SLCO3A1: variants seen among roughly 807,000 people sequenced by gnomAD.
SLCO3A1 encodes PGE1 transporter.
SLCO3A1 carries 27 observed loss-of-function variants against 63.1 expected under a neutral mutation model. The observed-to-expected ratio is 0.43, with a 90% CI of 0.32 to 0.59. The LOEUF is 0.59. Among genes scored for constraint, SLCO3A1 ranks in the 20% least tolerant of loss-of-function variants. The pLI is 0.09. For synonymous variants in SLCO3A1, 473 were observed against 409.9 expected, an observed-to-expected ratio of 1.15 and a Z score of -1.86; for missense variants, 773 against 945.8, an observed-to-expected ratio of 0.82 and a Z score of 2.40.
rs74465965 is a variant in SLCO3A1, at chr15:91,935,997, C to G, written c.646+19539C>G. 9.8e-3 allele frequency among the ~76,000 whole-genome samples: 1,490 copies of G among 152,302 alleles called. 14 individuals are homozygous for G. Among genetic ancestry groups the G allele is most frequent in the Non-Finnish European group, 0.015 (1,016 of 68,022 alleles). On this transcript the variant is annotated intron_variant, in intron 2 of 9. Coordinates refer to ENST00000318445, the MANE Select transcript of SLCO3A1 (RefSeq NM_013272.4). ...GCCCTTCCTAACATAGGCAGATCAT[C>G]GAGCAAGGAGTCACAAGTGGGTTAG...
At chr15:91,876,070 C>G (rs549719391) in intron 1 of SLCO3A1, among the ~76,000 whole-genome samples, 25 of 152,318 alleles carry the variant, frequency 1.6e-4, no homozygotes, top group Non-Finnish European at 3.2e-4. Context: ...CTTGGGAGGA[C>G]AAGGTGGACA....
intron 2 of SLCO3A1, among the ~76,000 whole-genome samples, chr15:91,936,947 A>G (rs1403674146): frequency 1.3e-5 from 2 of 152,176 alleles, no homozygotes; most frequent in Non-Finnish European, 2.9e-5. Context: ...AAGGCTTTCC[A>G]TTTAAGTTGC....
chr15:92,054,051 G>A (rs1298411727), intron 2 of SLCO3A1, among the ~76,000 whole-genome samples: 2 of 152,160 alleles, frequency 1.3e-5, no homozygotes, highest in Non-Finnish European at 2.9e-5. Context: ...TATTGATTCT[G>A]TCAGTATAGA....
chr15:92,000,188 G>A (rs887685302), intron 2 of SLCO3A1, among the ~76,000 whole-genome samples: 2 of 151,870 alleles, frequency 1.3e-5, no homozygotes, highest in Non-Finnish European at 1.5e-5. Flanking sequence ...TTTTATAATT[G>A]TGGGCATGTG....
At chr15:92,136,929 G>T (rs2048064893) in intron 7 of SLCO3A1, among the ~76,000 whole-genome samples, 1 of 149,408 alleles carries the variant, frequency 6.7e-6, no homozygotes, top group African/African-American at 2.5e-5. Flanking sequence ...ACCTTTTTAT[G>T]GCTATATAGT....
rs1212442109 is a variant in SLCO3A1 at position 91,967,591 on chromosome 15, C to T, written c.646+51133C>T. Among the ~76,000 whole-genome samples the T allele has an allele frequency of 6.6e-6, 1 of 152,204 alleles. No homozygotes were observed. The highest frequency in any genetic ancestry group is 1.5e-5 in the Non-Finnish European group (1 of 68,032). ...AATAAAAATCAATATGGATAAGACA[C>T]CTATTACACAGATAATCCCATATGA... On this transcript the variant is annotated intron_variant, in intron 2 of 9. Transcript: ENST00000318445. This position sits in a 1 kb window ranked among gnomAD's most constrained non-coding sequence, Gnocchi z 4.4.
chr15:91,906,897 G>T (rs1208796646), intron 1 of SLCO3A1, among the ~76,000 whole-genome samples: 1 of 149,984 alleles, frequency 6.7e-6, no homozygotes, highest in Non-Finnish European at 1.5e-5. Context: ...TCAATGATGA[G>T]ATTTATGAGT....
chr15:92,058,008 G>T (rs920556729), intron 2 of SLCO3A1, among the ~76,000 whole-genome samples: 1 of 152,164 alleles, frequency 6.6e-6, no homozygotes, highest in Admixed American at 6.6e-5. Context: ...ATTCCCAGGT[G>T]AGGAAACAAG....
chr15:92,124,598 A>G (rs2047899882), intron 5 of SLCO3A1, among the ~76,000 whole-genome samples: 1 of 152,188 alleles, frequency 6.6e-6, no homozygotes, highest in Non-Finnish European at 1.5e-5. Context: ...GCGGGACTGA[A>G]CAAGACAAAA....
chr15:92,035,154 A>G (rs1362322644), intron 2 of SLCO3A1, among the ~76,000 whole-genome samples: 1 of 151,830 alleles, frequency 6.6e-6, no homozygotes, highest in African/African-American at 2.4e-5. Context: ...CATACCGGCC[A>G]TGTACAGGGT....
chr15:91,864,859 T>C (rs1597068567), intron 1 of SLCO3A1, among the ~76,000 whole-genome samples: 1 of 152,334 alleles, frequency 6.6e-6, no homozygotes, highest in Middle Eastern at 3.4e-3. Context: ...TGTCACGTCC[T>C]GGTTGTTTGT....
intron 1 of SLCO3A1, among the ~76,000 whole-genome samples, chr15:91,902,996 G>A (rs997692246): frequency 3.3e-5 from 5 of 152,310 alleles, no homozygotes; most frequent in African/African-American, 4.8e-5. Context: ...TGATAGCAGC[G>A]GTGCTTGTTA....
At chr15:91,877,810 T>A (rs1370352766) in intron 1 of SLCO3A1, among the ~76,000 whole-genome samples, 1 of 152,122 alleles carries the variant, frequency 6.6e-6, no homozygotes, top group Non-Finnish European at 1.5e-5. Context: ...AGTAGCTCAA[T>A]GAACCTACAA....
chr15:91,899,740 T>C (rs1343023104), intron 1 of SLCO3A1, among the ~76,000 whole-genome samples: 4 of 152,230 alleles, frequency 2.6e-5, no homozygotes, highest in Admixed American at 1.3e-4. Context: ...TTCCAGAAAG[T>C]TGCTGATGCC....
chr15:92,162,434 G>A (rs923436202), intron 9 of SLCO3A1: 1 of 236,796 alleles, frequency 4.2e-6, no homozygotes, highest in Admixed American at 5.3e-5. Flanking sequence ...ACAGGTGTGA[G>A]CCACCATGCC....
intron 9 of SLCO3A1, among the ~76,000 whole-genome samples, chr15:92,152,774 A>T (rs1348793225): frequency 6.6e-6 from 1 of 152,140 alleles, no homozygotes; most frequent in Admixed American, 6.5e-5. Flanking sequence ...TTGAAAACCT[A>T]TTGTGTTCTA....
chr15:92,069,692 G>A (rs1482997989), intron 2 of SLCO3A1, among the ~76,000 whole-genome samples: 1 of 152,116 alleles, frequency 6.6e-6, no homozygotes, highest in Non-Finnish European at 1.5e-5. Context: ...CTTCAGCATT[G>A]AGTATTCCTT....
chr15:92,081,888 T>C (rs1282929616), intron 2 of SLCO3A1, among the ~76,000 whole-genome samples: 1 of 152,200 alleles, frequency 6.6e-6, no homozygotes, highest in Non-Finnish European at 1.5e-5. Flanking sequence ...GTGAATCCAA[T>C]GTGCAGCCCA....
In SLCO3A1 at chr15:92,142,815, T is replaced by G. The variant is rs527756680; in HGVS notation, c.1513-4169T>G. Among the ~76,000 whole-genome samples, 8 of 152,262 alleles carry G rather than the reference T, an allele frequency of 5.3e-5. No homozygotes were observed. In the East Asian group the frequency reaches 1.6e-3, roughly 30 times the overall value. On this transcript the variant is annotated intron_variant, in intron 7 of 9. Coordinates refer to ENST00000318445, the MANE Select transcript of SLCO3A1 (RefSeq NM_013272.4). ...GAGTGCCATGATCAGAGGATCCATT[T>G]CAGGAGGGATTTAACACTTTTTAGG...
Sources: gnomAD v4.1 joint callset for allele counts (sites outside exome capture counted in the v4.1 genomes callset) on GRCh38, gnomAD v4.1.1 for gene constraint, Gnocchi (gnomAD v3.1) non-coding constraint, MANE v1.5 for transcripts, NCBI Gene and HGNC (gene_info 2026-07-23, HGNC 2026-07-21) for gene names.